Variants in NPAS3 observed in about 807,000 individuals in gnomAD.
NPAS3 encodes the protein neuronal PAS domain protein 3.
A neutral mutation model predicts 73.1 loss-of-function variants in NPAS3; 14 were observed. That is an observed-to-expected ratio of 0.19 (90% CI 0.13 to 0.30). The LOEUF is 0.30. Among genes scored for constraint, NPAS3 ranks in the 10% least tolerant of loss-of-function variants. The pLI, the probability that NPAS3 is intolerant of heterozygous loss-of-function variation, is 1.00. For synonymous variants in NPAS3, 620 were observed against 541.5 expected, an observed-to-expected ratio of 1.14 and a Z score of -2.01; for missense variants, 1,096 against 1,250.0, an observed-to-expected ratio of 0.88 and a Z score of 1.86.
intron 1 of NPAS3, among the ~76,000 whole-genome samples, chr14:32,949,748 A>G (rs926358285): frequency 7.9e-5 from 12 of 151,974 alleles, no homozygotes; most frequent in Non-Finnish European, 1.6e-4. Flanking sequence ...AAGAAAAAAG[A>G]AAAAAGGAAA....
intron 3 of NPAS3, among the ~76,000 whole-genome samples, chr14:33,328,619 G>A (rs1381367628): frequency 1.3e-5 from 2 of 151,220 alleles, no homozygotes; most frequent in African/African-American, 2.4e-5. Flanking sequence ...CACCACGCCC[G>A]GCTAATTTTT....
chr14:33,561,205 G>C (rs932678071), intron 5 of NPAS3, among the ~76,000 whole-genome samples: 1 of 152,186 alleles, frequency 6.6e-6, no homozygotes, highest in Non-Finnish European at 1.5e-5. Context: ...CCCCAGACTC[G>C]TTGCTTCTGA....
intron 1 of NPAS3, among the ~76,000 whole-genome samples, chr14:33,031,301 A>G (rs78847087): frequency 0.052 from 7,908 of 152,318 alleles, 253 homozygotes; most frequent in African/African-American, 0.084. Context: ...CGAGTTAGTT[A>G]TATGAAATGT....
At position 33,189,685 on chromosome 14, in the gene NPAS3, T is replaced by C. The variant is rs184156761; in HGVS notation, c.141-25497T>C. 9.2e-5 allele frequency among the ~76,000 whole-genome samples: 14 copies of C among 152,314 alleles called. No individual in the cohort carries two copies. In the East Asian group the frequency reaches 1.9e-3, roughly 21 times the overall value. The stretch of plus-strand genomic sequence containing the variant: ...ATTAGAGTATAGCAGGATTCTGTCA[T>C]ATATGGTCAACTTTTATACATTTAA... On this transcript the variant is annotated intron_variant, in intron 2 of 11. Transcript: ENST00000356141.
chr14:33,157,735 G>T (rs2044700295), intron 2 of NPAS3, among the ~76,000 whole-genome samples: 1 of 152,206 alleles, frequency 6.6e-6, no homozygotes, highest in African/African-American at 2.4e-5. Flanking sequence ...GTACAATTGT[G>T]TTTATTAACA....
chr14:33,232,437 A>G (rs528549273), intron 3 of NPAS3, among the ~76,000 whole-genome samples: 1 of 152,296 alleles, frequency 6.6e-6, no homozygotes, highest in Admixed American at 6.5e-5. Context: ...TGTTTTTCAT[A>G]ATTTGACATT....
chr14:33,175,771 T>TA (rs1337963761), intron 2 of NPAS3, among the ~76,000 whole-genome samples: 1 of 152,120 alleles, frequency 6.6e-6, no homozygotes, highest in Admixed American at 6.5e-5. Context: ...GTATTATTTT[T>TA]AAAAAAATCA....
At chr14:33,417,150 T>C (rs2048180080) in intron 4 of NPAS3, among the ~76,000 whole-genome samples, 1 of 152,052 alleles carries the variant, frequency 6.6e-6, no homozygotes, top group South Asian at 2.1e-4. Context: ...AATTAGAATA[T>C]GAATCTTTTA....
intron 5 of NPAS3, chr14:33,583,334 G>A (rs1025214021): frequency 5.3e-5 from 8 of 152,200 alleles, no homozygotes; most frequent in Admixed American, 4.6e-4. Context: ...CTGTACAACA[G>A]AGAACTGCAA....
At chr14:33,410,059 G>C (rs2047853905) in intron 4 of NPAS3, among the ~76,000 whole-genome samples, 1 of 152,082 alleles carries the variant, frequency 6.6e-6, no homozygotes, top group African/African-American at 2.4e-5. Flanking sequence ...TTAAATCACT[G>C]CATAAATAGA....
At chr14:33,595,609 A>G (rs1256053284) in intron 5 of NPAS3, among the ~76,000 whole-genome samples, 1 of 152,232 alleles carries the variant, frequency 6.6e-6, no homozygotes, top group Non-Finnish European at 1.5e-5. Flanking sequence ...GGAAAAAGAA[A>G]GATGGAAAAG....
chr14:33,151,122 G>T (rs1268467227), intron 2 of NPAS3, among the ~76,000 whole-genome samples: 1 of 152,152 alleles, frequency 6.6e-6, no homozygotes, highest in Non-Finnish European at 1.5e-5. Flanking sequence ...CTATTTCTTT[G>T]CAGTCAATGC....
intron 1 of NPAS3, among the ~76,000 whole-genome samples, chr14:32,999,521 A>T (rs907191822): frequency 5.9e-5 from 9 of 152,140 alleles, no homozygotes; most frequent in Non-Finnish European, 1.3e-4. Flanking sequence ...AAAAAAAAAA[A>T]ATAAAAGTTA....
chr14:33,307,589 T>G (rs1464720919), intron 3 of NPAS3, among the ~76,000 whole-genome samples: 2 of 30,874 alleles, frequency 6.5e-5, no homozygotes, highest in East Asian at 1.0e-3. Flanking sequence ...CAGGTTTTTT[T>G]TCAATGTGTG....
intron 1 of NPAS3, among the ~76,000 whole-genome samples, chr14:33,016,690 T>C (rs1483980161): frequency 6.6e-6 from 1 of 152,052 alleles, no homozygotes; most frequent in Non-Finnish European, 1.5e-5. Context: ...GCAGTTTTTT[T>C]GCTCTCCTAT....
intron 6 of NPAS3, among the ~76,000 whole-genome samples, chr14:33,684,497 C>T (rs983547136): frequency 4.6e-5 from 7 of 151,934 alleles, no homozygotes; most frequent in African/African-American, 1.2e-4. Flanking sequence ...GGGGTTTCAC[C>T]GTGTTGGCCA....
chr14:33,789,440 G>T (rs1035742228), intron 9 of NPAS3, among the ~76,000 whole-genome samples: 1 of 152,250 alleles, frequency 6.6e-6, no homozygotes, highest in African/African-American at 2.4e-5. Flanking sequence ...TCCCAGTTAC[G>T]TCTGGGACCT....
intron 3 of NPAS3, among the ~76,000 whole-genome samples, chr14:33,354,485 T>G (rs537771995): frequency 2.2e-4 from 34 of 152,330 alleles, no homozygotes; most frequent in African/African-American, 7.9e-4. Flanking sequence ...ATGCAGATTT[T>G]CCCTGAGCTG....
upstream of NPAS3, among the ~76,000 whole-genome samples, chr14:32,938,053 G>C (rs1340046544): frequency 2.6e-5 from 4 of 152,154 alleles, no homozygotes; most frequent in Non-Finnish European, 4.4e-5. Context: ...CGGGACCCGA[G>C]TCGGGAGGGG....
Sources: allele counts gnomAD v4.1 joint callset (sites outside exome capture counted in the v4.1 genomes callset), GRCh38; gene constraint gnomAD v4.1.1; transcripts MANE v1.5; gene names NCBI Gene and HGNC (gene_info 2026-07-23, HGNC 2026-07-21).